D2HGDH: variants seen among roughly 807,000 people sequenced by gnomAD.
D2HGDH encodes the protein D-2-hydroxyglutarate dehydrogenase, mitochondrial.
D2HGDH carries 31 observed loss-of-function variants against 46.9 expected under a neutral mutation model. The observed-to-expected ratio is 0.66, with a 90% CI of 0.50 to 0.89. The LOEUF is 0.89. Among genes scored for constraint, D2HGDH ranks in the 40% least tolerant of loss-of-function variants. D2HGDH has a pLI of 0.00. For synonymous variants in D2HGDH, 364 were observed against 332.6 expected (o/e 1.09, Z -1.03); for missense variants, 698 against 720.8 (o/e 0.97, Z 0.36).
rs1274012465 is a variant in D2HGDH, at chr2:241,742,983, C to G, written c.490+409C>G. ...GTGAGGGGATCCTGACCCAGGGCGCCAGAGCGTGGCAGGCATGAGGGGATC... is the reference window on the plus strand; with the variant it reads ...GTGAGGGGATCCTGACCCAGGGCGCGAGAGCGTGGCAGGCATGAGGGGATC... On this transcript the variant is annotated intron_variant, in intron 4 of 9. Transcript: ENST00000321264. The surrounding 1 kb of genome is among the most constrained non-coding windows in gnomAD (Gnocchi z 4.8). Among the ~76,000 whole-genome samples the G allele has an allele frequency of 1.1e-5, 1 of 91,090 alleles. No individual in the cohort carries two copies. The highest frequency in any genetic ancestry group is 2.9e-4 in the East Asian group (1 of 3,462). 59.8% of individuals were successfully genotyped at this position (91,090 alleles called of 152,430 possible).
chr2:241,737,245 C>T (rs1233681258), intron 2 of D2HGDH, among the ~76,000 whole-genome samples: 1 of 152,234 alleles, frequency 6.6e-6, no homozygotes, highest in African/African-American at 2.4e-5. Flanking sequence ...GCTGGGATTA[C>T]AGGCATGAGC....
intron 6 of D2HGDH, 52 bp downstream of exon 6, chr2:241,744,929 GC>G: frequency 6.2e-7 from 1 of 1,610,162 alleles, no homozygotes; most frequent in Non-Finnish European, 8.5e-7. Context: ...TCGAGCGTCT[GC>G]TCTGATGGTG....
At chr2:241,759,732 G>A (rs1698563353) in intron 9 of D2HGDH, among the ~76,000 whole-genome samples, 1 of 152,132 alleles carries the variant, frequency 6.6e-6, no homozygotes, top group Non-Finnish European at 1.5e-5. Flanking sequence ...TCTGGTTTAT[G>A]TTCTTTGTCA....
chr2:241,747,039 C>G (rs1047703133), intron 6 of D2HGDH, among the ~76,000 whole-genome samples: 1 of 151,950 alleles, frequency 6.6e-6, no homozygotes, highest in Non-Finnish European at 1.5e-5. Flanking sequence ...GTGATCATAG[C>G]CCCTGGGTTC....
Position 241,742,588 on chromosome 2 carries a change from A to C in D2HGDH, c.490+14A>C, listed in dbSNP as rs1348123610. 38 of 1,613,792 alleles carry C rather than the reference A, an allele frequency of 2.4e-5. No homozygotes were observed. The highest frequency in any genetic ancestry group is 3.1e-5 in the Non-Finnish European group (37 of 1,179,960). Reference sequence around the variant, plus strand: ...ACAGCGTGTCTGGTAAGCCTGTGCCACCCGTCGGGGCCCAGGAGTCCCTCC... The same window carrying C: ...ACAGCGTGTCTGGTAAGCCTGTGCCCCCCGTCGGGGCCCAGGAGTCCCTCC... On this transcript the variant is annotated intron_variant, in intron 4 of 9. Coordinates refer to ENST00000321264, the MANE Select transcript of D2HGDH (RefSeq NM_152783.5). This position sits in a 1 kb window ranked among gnomAD's most constrained non-coding sequence, Gnocchi z 4.8.
intron 6 of D2HGDH, among the ~76,000 whole-genome samples, chr2:241,745,148 A>T (rs1251911590): frequency 1.3e-5 from 2 of 152,172 alleles, no homozygotes; most frequent in Non-Finnish European, 2.9e-5. Flanking sequence ...GTGTTGCCTC[A>T]TTCACCCCAT....
rs920570921 is a variant in D2HGDH at position 241,743,215 on chromosome 2, C to T, written c.491-407C>T. ...AGGCCCCGGTCACTCTGTGGTCGGG[C>T]GCCTGCACTGTTGGGTGTTGAGCAG... On this transcript the variant is annotated intron_variant, in intron 4 of 9. Transcript: ENST00000321264. This position sits in a 1 kb window ranked among gnomAD's most constrained non-coding sequence, Gnocchi z 4.8. Among the ~76,000 whole-genome samples, 5 of 152,192 alleles carry T rather than the reference C, an allele frequency of 3.3e-5. No homozygotes were observed. The highest frequency in any genetic ancestry group is 5.9e-5 in the Non-Finnish European group (4 of 68,022).
intron 2 of D2HGDH, among the ~76,000 whole-genome samples, chr2:241,736,614 A>G (rs549624056): frequency 2.6e-5 from 4 of 151,816 alleles, no homozygotes; most frequent in Admixed American, 6.5e-5. Flanking sequence ...ACCCTAATCC[A>G]GGATGATCGT....
At chr2:241,739,391 AG>A (rs1253212313) in intron 2 of D2HGDH, among the ~76,000 whole-genome samples, 1 of 152,250 alleles carries the variant, frequency 6.6e-6, no homozygotes, top group Non-Finnish European at 1.5e-5. Context: ...CGCAGGTGCC[AG>A]GGTTCCCTCA....
Position 241,768,622 on chromosome 2 carries a change from C to CT in D2HGDH, c.*654dup, listed in dbSNP as rs1416340692. On this transcript the variant is annotated 3_prime_UTR_variant, in exon 10 of 10. Transcript: ENST00000321264. ...GACAGTTATCAGGGCAAGCTGTGCT[C>CT]TGAGTTTCGGGTTCTGCTCCTACAA... The CT allele has an allele frequency of 1.3e-5, 2 of 152,526 alleles. No homozygotes were observed. Among genetic ancestry groups the CT allele is most frequent in the South Asian group, 2.1e-4 (1 of 4,834 alleles). The allele number at this position is 152,526 out of a possible 1,614,324, so 9.4% of individuals were successfully genotyped here.
intron 6 of D2HGDH, 126 bp downstream of exon 6, chr2:241,745,003 CTCCT>C (rs1695494068): frequency 8.1e-7 from 1 of 1,235,308 alleles, no homozygotes; most frequent in Non-Finnish European, 1.2e-6. Context: ...GTTCCCGTGT[CTCCT>C]GACATCTCTG....
rs753653449 is a variant in D2HGDH, at chr2:241,767,970, C to A, written c.*1C>A. 1.9e-6 allele frequency: 3 copies of A among 1,586,648 alleles called. No homozygotes were observed. The highest frequency in any genetic ancestry group is 2.6e-6 in the Non-Finnish European group (3 of 1,170,470). ...CAAGACGCTGCCCAGCCAGGCCTGA[C>A]GGCCACTCCTGCTGCTGCCAAGGCC... On this transcript the variant is annotated 3_prime_UTR_variant, in exon 10 of 10. Transcript: ENST00000321264.
At chr2:241,756,898 G>A (rs1575319614) in intron 9 of D2HGDH, among the ~76,000 whole-genome samples, 2 of 152,254 alleles carry the variant, frequency 1.3e-5, no homozygotes, top group African/African-American at 4.8e-5. Context: ...TGGGGGCAGT[G>A]CTGGGGGTGT....
chr2:241,742,482 C>T lies in D2HGDH; in HGVS notation c.398C>T (p.Thr133Ile). 1 of 1,614,006 alleles carries T rather than the reference C, an allele frequency of 6.2e-7. No homozygotes were observed. Among genetic ancestry groups the T allele is most frequent in the Non-Finnish European group, 8.5e-7 (1 of 1,179,968 alleles). Residue 133 changes from threonine (T) to isoleucine (I), a missense_variant, in exon 4 of 10, where the codon ACA (threonine) becomes ATA (isoleucine). Transcript: ENST00000321264. This position sits in a 1 kb window ranked among gnomAD's most constrained non-coding sequence, Gnocchi z 4.8. Reference sequence around the variant, plus strand: ...GCCGTGAACCCACAGGGGGGCAACACAGGCATGGTGGGTGGCAGCGTCCCC... The same window carrying T: ...GCCGTGAACCCACAGGGGGGCAACATAGGCATGGTGGGTGGCAGCGTCCCC... ...NLAVNPQGGNTGMVGGSVPVF... is the reference protein window; with the variant it reads ...NLAVNPQGGNIGMVGGSVPVF...
rs1575279439 is a variant in D2HGDH at position 241,750,290 on chromosome 2, G to T, written c.993G>T (p.Val331=). The T allele has an allele frequency of 6.2e-7, 1 of 1,609,436 alleles. No individual in the cohort carries two copies. Among genetic ancestry groups the T allele is most frequent in the East Asian group, 2.2e-5 (1 of 44,660 alleles). ...GCCATCTCCACCTGGCCAGCCCGGT[G>T]CAAGGTACTGACCCCCCACACAGGG... ...VGRHLHLASP[V]QESPFYVLIE... Residue 331 remains valine (V), a synonymous_variant, in exon 7 of 10, where the codon GTG becomes GTT. Coordinates refer to ENST00000321264, the MANE Select transcript of D2HGDH (RefSeq NM_152783.5).
rs138585623 is a variant in D2HGDH, at chr2:241,753,606, G to A, written c.1140+2218G>A. 9.3e-3 allele frequency among the ~76,000 whole-genome samples: 1,418 copies of A among 152,348 alleles called. 24 individuals carry two copies. Among genetic ancestry groups the A allele is most frequent in the African/African-American group, 0.032 (1,344 of 41,582 alleles). Reference sequence around the variant, plus strand: ...GTCCAGCCGCTGCCGCGGGGGCCCTGTGTTCAACGGGGGACACTCAGCCCT... The same window carrying A: ...GTCCAGCCGCTGCCGCGGGGGCCCTATGTTCAACGGGGGACACTCAGCCCT... On this transcript the variant is annotated intron_variant, in intron 8 of 9. Transcript: ENST00000321264.
Position 241,741,099 on chromosome 2 carries a change from G to A in D2HGDH, c.350+9G>A, listed in dbSNP as rs749785857. 6.2e-7 allele frequency: 1 copy of A among 1,612,818 alleles called. No homozygotes were observed. ...GTGTCCCACATCCTCAGGTGAGGTG[G>A]TGGCTCCCGGCTCCCCCAGCCTTCC... On this transcript the variant is annotated intron_variant, in intron 3 of 9. Transcript: ENST00000321264.
rs763551534 is a variant in D2HGDH, at chr2:241,742,439, T to C, written c.355T>C (p.Cys119Arg). ...SEEVSHILRH[C>R]HERNLAVNPQ... is the part of the protein sequence containing the mutation. ...TCCCTCCTGTCCTCATCCCAGGCACTGCCACGAGAGGAACCTGGCCGTGAA... is the reference window on the plus strand; with the variant it reads ...TCCCTCCTGTCCTCATCCCAGGCACCGCCACGAGAGGAACCTGGCCGTGAA... The change falls in exon 4 of 10, where the codon TGC becomes CGC. Residue 119 changes from cysteine (C) to arginine (R), a missense_variant. Coordinates refer to ENST00000321264, the MANE Select transcript of D2HGDH (RefSeq NM_152783.5). This position sits in a 1 kb window ranked among gnomAD's most constrained non-coding sequence, Gnocchi z 4.8. The C allele has an allele frequency of 6.2e-7, 1 of 1,611,130 alleles. No individual in the cohort carries two copies. Among genetic ancestry groups the C allele is most frequent in the Non-Finnish European group, 8.5e-7 (1 of 1,178,700 alleles).
chr2:241,749,172 C>T, intron 6 of D2HGDH: 1 of 829,732 alleles, frequency 1.2e-6, no homozygotes, highest in Non-Finnish European at 1.6e-6. Flanking sequence ...GATGCCCAGT[C>T]CCCACCGCCA....
Sources: allele counts gnomAD v4.1 joint callset (sites outside exome capture counted in the v4.1 genomes callset), GRCh38; gene constraint gnomAD v4.1.1; non-coding constraint Gnocchi (gnomAD v3.1); transcripts MANE v1.5; gene names NCBI Gene and HGNC (gene_info 2026-07-23, HGNC 2026-07-21).